The following BNC2 variants were observed in gnomAD, a reference collection of about 807,000 sequenced individuals.
BNC2 encodes the protein zinc finger protein basonuclin-2.
BNC2 carries 20 observed loss-of-function variants against 76.3 expected under a neutral mutation model. That is an observed-to-expected ratio of 0.26 (90% CI 0.18 to 0.38). BNC2 has a LOEUF of 0.38. Ranked by LOEUF, BNC2 falls within the 10% of genes least tolerant of loss-of-function variation. The pLI is 1.00. For synonymous variants in BNC2, 582 were observed against 514.8 expected (o/e 1.13, Z -1.77); for missense variants, 1,382 against 1,399.8 (o/e 0.99, Z 0.20).
intron 1 of BNC2, among the ~76,000 whole-genome samples, chr9:16,778,995 G>A (rs756043845): frequency 4.0e-5 from 6 of 151,244 alleles, no homozygotes; most frequent in Non-Finnish European, 7.4e-5. Flanking sequence ...AACAAAAGAT[G>A]TTAATTAGAT....
At chr9:16,576,839 G>C (rs539757112) in intron 4 of BNC2, among the ~76,000 whole-genome samples, 19 of 152,306 alleles carry the variant, frequency 1.2e-4, no homozygotes, top group African/African-American at 4.6e-4. Flanking sequence ...CTGGGTTTAA[G>C]CGATTCTCAT....
chr9:16,757,046 C>G (rs946548030), intron 1 of BNC2, among the ~76,000 whole-genome samples: 2 of 146,504 alleles, frequency 1.4e-5, no homozygotes, highest in African/African-American at 5.0e-5. Context: ...CCTAAAGTGC[C>G]CTGTACTACT....
intron 1 of BNC2, among the ~76,000 whole-genome samples, chr9:16,769,796 A>G (rs78948159): frequency 7.3e-4 from 111 of 152,306 alleles, no homozygotes; most frequent in African/African-American, 2.4e-3. Context: ...CTCTGCCACC[A>G]CTTACAAGAT....
intron 6 of BNC2, among the ~76,000 whole-genome samples, chr9:16,431,192 A>G (rs1324594181): frequency 6.6e-6 from 1 of 152,244 alleles, no homozygotes; most frequent in Non-Finnish European, 1.5e-5. Context: ...AATCATTAAG[A>G]CAAATATAAA....
At chr9:16,778,876 G>A (rs1252112751) in intron 1 of BNC2, among the ~76,000 whole-genome samples, 4 of 152,156 alleles carry the variant, frequency 2.6e-5, no homozygotes, top group Non-Finnish European at 1.5e-5. Flanking sequence ...TGATGTGAAG[G>A]CAGCCAAGCA....
intron 1 of BNC2, among the ~76,000 whole-genome samples, chr9:16,852,070 C>T (rs1328799765): frequency 1.3e-5 from 2 of 152,298 alleles, no homozygotes; most frequent in Admixed American, 6.5e-5. Flanking sequence ...CGCAGTCACA[C>T]CGCCTTATTA....
At chr9:16,444,792 C>T (rs947380893) in intron 5 of BNC2, among the ~76,000 whole-genome samples, 4 of 152,240 alleles carry the variant, frequency 2.6e-5, no homozygotes, top group Non-Finnish European at 5.9e-5. Flanking sequence ...CTCATTCTCC[C>T]GCTATTTACC....
intron 3 of BNC2, among the ~76,000 whole-genome samples, chr9:16,631,896 C>A (rs1029774918): frequency 6.6e-6 from 1 of 152,088 alleles, no homozygotes; most frequent in African/African-American, 2.4e-5. Flanking sequence ...GCCAACCAGG[C>A]AAGATAAGGA....
chr9:16,819,425 G>T (rs963018094), intron 1 of BNC2, among the ~76,000 whole-genome samples: 1 of 152,158 alleles, frequency 6.6e-6, no homozygotes, highest in Non-Finnish European at 1.5e-5. Flanking sequence ...CACACTGGAA[G>T]GCCAAGCTGG....
At chr9:16,803,405 C>T (rs532203459) in intron 1 of BNC2, among the ~76,000 whole-genome samples, 2 of 152,240 alleles carry the variant, frequency 1.3e-5, no homozygotes, top group Admixed American at 6.5e-5. Context: ...TTTATTACAA[C>T]GAAGGGAGGC....
rs542032115 is a variant in BNC2 at position 16,866,681 on chromosome 9, A to C, written c.3+3965T>G. 1.8e-3 allele frequency among the ~76,000 whole-genome samples: 275 copies of C among 151,638 alleles called. 1 individual carries two copies. Among genetic ancestry groups the C allele is most frequent in the South Asian group, 4.6e-3 (22 of 4,798 alleles). ...TCACTTTTAAAAAAAAAAAAAAAAA[A>C]AAAACCATAATAGCACCTCCCAGCC... On this transcript the variant is annotated intron_variant, in intron 1 of 6. Coordinates refer to ENST00000380672, the MANE Select transcript of BNC2 (RefSeq NM_017637.6).
intron 1 of BNC2, among the ~76,000 whole-genome samples, chr9:16,848,289 T>A (rs1819038612): frequency 6.6e-6 from 1 of 152,158 alleles, no homozygotes; most frequent in Non-Finnish European, 1.5e-5. Flanking sequence ...CAAATGAAAT[T>A]CCATCGATGA....
At chr9:16,498,056 C>A (rs187880419) in intron 5 of BNC2, among the ~76,000 whole-genome samples, 9 of 141,018 alleles carry the variant, frequency 6.4e-5, no homozygotes, top group Non-Finnish European at 1.2e-4. Flanking sequence ...CATATATATT[C>A]CATCATATAT....
intron 1 of BNC2, among the ~76,000 whole-genome samples, chr9:16,779,130 A>AGAAAG (rs1554729001): frequency 9.0e-4 from 79 of 87,634 alleles, no homozygotes; most frequent in African/African-American, 3.1e-3. Context: ...AAAAAAAAAA[A>AGAAAG]AAAAGAAAAG....
intron 3 of BNC2, among the ~76,000 whole-genome samples, chr9:16,680,124 TCAA>T (rs1822778418): frequency 6.6e-6 from 1 of 152,216 alleles, no homozygotes; most frequent in African/African-American, 2.4e-5. Context: ...GTGAAAACTT[TCAA>T]TAGAAACATA....
intron 3 of BNC2, among the ~76,000 whole-genome samples, chr9:16,680,588 C>G (rs1041753013): frequency 1.4e-5 from 2 of 147,904 alleles, no homozygotes; most frequent in African/African-American, 5.0e-5. Context: ...AAAAAAAAAA[C>G]GTTGATCTTA....
intron 3 of BNC2, among the ~76,000 whole-genome samples, chr9:16,668,512 C>T (rs759787906): frequency 1.6e-4 from 25 of 152,262 alleles, no homozygotes; most frequent in South Asian, 8.3e-4. Context: ...TACTTAACAA[C>T]GTCAGGATGT....
chr9:16,784,604 CAG>C (rs1826233323), intron 1 of BNC2, among the ~76,000 whole-genome samples: 1 of 152,150 alleles, frequency 6.6e-6, no homozygotes. Flanking sequence ...ACTCTGAATA[CAG>C]AGAGTCTGCA....
intron 5 of BNC2, among the ~76,000 whole-genome samples, chr9:16,507,768 T>C (rs1227993469): frequency 6.6e-6 from 1 of 152,248 alleles, no homozygotes; most frequent in African/African-American, 2.4e-5. Context: ...CTTGCTCATA[T>C]AGTAGGTCCA....
Sources: allele counts gnomAD v4.1 joint callset (sites outside exome capture counted in the v4.1 genomes callset), GRCh38; gene constraint gnomAD v4.1.1; transcripts MANE v1.5; gene names NCBI Gene and HGNC (gene_info 2026-07-23, HGNC 2026-07-21).